The following DIAPH3 variants were observed in gnomAD, a reference collection of about 807,000 sequenced individuals.
DIAPH3 encodes protein diaphanous homolog 3.
A neutral mutation model predicts 144.3 loss-of-function variants in DIAPH3; 117 were observed. The observed-to-expected ratio is 0.81, with a 90% CI of 0.70 to 0.95. DIAPH3 has a LOEUF of 0.95. DIAPH3 is among the 40% of genes least tolerant of loss of function. The pLI, the probability that DIAPH3 is intolerant of heterozygous loss-of-function variation, is 0.00. For missense variants in DIAPH3, 1,421 were observed against 1,412.7 expected (o/e 1.01, Z -0.09); for synonymous variants, 519 against 488.9 (o/e 1.06, Z -0.81).
At chr13:59,954,158 AGTC>A (rs2049252347) in intron 17 of DIAPH3, among the ~76,000 whole-genome samples, 1 of 152,210 alleles carries the variant, frequency 6.6e-6, no homozygotes, top group African/African-American at 2.4e-5. Context: ...AAAGTTATGA[AGTC>A]AAAAAGTAAA....
intron 27 of DIAPH3, among the ~76,000 whole-genome samples, chr13:59,672,297 T>G (rs1372114478): frequency 1.3e-5 from 2 of 152,122 alleles, no homozygotes; most frequent in Non-Finnish European, 2.9e-5. Flanking sequence ...TTCTTAGGAG[T>G]GCCAACTCTC....
chr13:59,741,389 T>C (rs1467988730), intron 27 of DIAPH3, among the ~76,000 whole-genome samples: 2 of 152,170 alleles, frequency 1.3e-5, no homozygotes, highest in East Asian at 1.9e-4. Flanking sequence ...TTCCACCTAA[T>C]GAAAGTATTA....
chr13:59,801,842 T>A (rs976372777), intron 25 of DIAPH3, among the ~76,000 whole-genome samples: 2 of 152,250 alleles, frequency 1.3e-5, no homozygotes, highest in African/African-American at 4.8e-5. Flanking sequence ...TAAACACTAA[T>A]GCCTATTTAT....
At chr13:59,983,109 T>C (rs1308088512) in intron 13 of DIAPH3, among the ~76,000 whole-genome samples, 1 of 134,476 alleles carries the variant, frequency 7.4e-6, no homozygotes, top group Non-Finnish European at 1.6e-5. Flanking sequence ...AACTCAAATG[T>C]TACAACACTA....
At chr13:59,915,978 T>A (rs1401403454) in intron 19 of DIAPH3, among the ~76,000 whole-genome samples, 177 bp downstream of exon 19, 3 of 152,178 alleles carry the variant, frequency 2.0e-5, no homozygotes, top group Admixed American at 6.5e-5. Context: ...CATGTGCAGT[T>A]AAGAGAAGAT....
At chr13:59,680,459 G>A (rs907537521) in intron 27 of DIAPH3, among the ~76,000 whole-genome samples, 5 of 152,094 alleles carry the variant, frequency 3.3e-5, no homozygotes, top group Non-Finnish European at 4.4e-5. Context: ...GTTCCTTGAG[G>A]TAGTTAGTAC....
intron 16 of DIAPH3, 30 bp from the exon 17 acceptor site, chr13:59,970,088 ATAGGTGAGTGTT>A (rs774964179): frequency 5.7e-5 from 77 of 1,347,704 alleles, no homozygotes; most frequent in Admixed American, 7.3e-5. Context: ...TGATTCATCA[ATAGGTGAGTGTT>A]TCACCTGTCC....
At chr13:59,902,192 C>T (rs1264310179) in intron 20 of DIAPH3, among the ~76,000 whole-genome samples, 1 of 152,146 alleles carries the variant, frequency 6.6e-6, no homozygotes, top group Non-Finnish European at 1.5e-5. Context: ...AATCTCAAGT[C>T]AAATTGCAAT....
intron 2 of DIAPH3, among the ~76,000 whole-genome samples, chr13:60,122,967 C>T (rs2138157510): frequency 6.6e-6 from 1 of 152,074 alleles, no homozygotes; most frequent in Admixed American, 6.5e-5. Flanking sequence ...TAAATTAGCC[C>T]TGTATATATT....
intron 17 of DIAPH3, among the ~76,000 whole-genome samples, chr13:59,943,861 C>T (rs1271024057): frequency 6.6e-6 from 1 of 152,070 alleles, no homozygotes; most frequent in Non-Finnish European, 1.5e-5. Flanking sequence ...TTTGAGGTCT[C>T]ACTAATACTT....
At chr13:59,889,119 C>T (rs1673911725) in intron 20 of DIAPH3, among the ~76,000 whole-genome samples, 1 of 151,956 alleles carries the variant, frequency 6.6e-6, no homozygotes, top group African/African-American at 2.4e-5. Flanking sequence ...TAGTTGGGAT[C>T]TGCTGAGCCT....
intron 11 of DIAPH3, 102 bp downstream of exon 11, chr13:59,991,966 A>G (rs935597978): frequency 1.4e-5 from 13 of 922,408 alleles, no homozygotes; most frequent in Non-Finnish European, 2.0e-5. Flanking sequence ...GTTTGATTTC[A>G]TGTTGTTTAT....
At chr13:60,078,324 A>T (rs2057443207) in intron 4 of DIAPH3, among the ~76,000 whole-genome samples, 1 of 152,142 alleles carries the variant, frequency 6.6e-6, no homozygotes, top group African/African-American at 2.4e-5. Flanking sequence ...GTTAAATGTG[A>T]CTAAAGAGAG....
intron 24 of DIAPH3, among the ~76,000 whole-genome samples, chr13:59,816,877 T>G (rs942929396): frequency 2.0e-5 from 3 of 151,938 alleles, no homozygotes; most frequent in African/African-American, 7.2e-5. Flanking sequence ...TAAGCACATA[T>G]GGTATAAATT....
At chr13:59,942,637 G>T (rs928376113) in intron 17 of DIAPH3, among the ~76,000 whole-genome samples, 4 of 152,124 alleles carry the variant, frequency 2.6e-5, no homozygotes, top group African/African-American at 7.2e-5. Flanking sequence ...TGAAATGATA[G>T]TTATTGTTAA....
At chr13:59,930,841 T>C (rs1360518724) in intron 17 of DIAPH3, among the ~76,000 whole-genome samples, 1 of 152,106 alleles carries the variant, frequency 6.6e-6, no homozygotes, top group Non-Finnish European at 1.5e-5. Context: ...CGAAAGTCAA[T>C]GGTACCTTCA....
intron 4 of DIAPH3, among the ~76,000 whole-genome samples, chr13:60,083,367 T>C (rs957790544): frequency 6.6e-6 from 1 of 152,006 alleles, no homozygotes; most frequent in African/African-American, 2.4e-5. Context: ...TTGAGAGATG[T>C]CTCTTTGTAA....
At chr13:60,071,419 C>T (rs2057202422) in intron 4 of DIAPH3, among the ~76,000 whole-genome samples, 1 of 152,168 alleles carries the variant, frequency 6.6e-6, no homozygotes, top group Non-Finnish European at 1.5e-5. Flanking sequence ...ATTTATCCTT[C>T]AGATATAGTG....
At chr13:59,909,455 G>T (rs2046890010) in intron 20 of DIAPH3, among the ~76,000 whole-genome samples, 2 of 150,944 alleles carry the variant, frequency 1.3e-5, no homozygotes, top group Non-Finnish European at 2.9e-5. Flanking sequence ...TGGAAATGGT[G>T]AAAAATAGAA....
Sources: allele counts gnomAD v4.1 joint callset (sites outside exome capture counted in the v4.1 genomes callset), GRCh38; gene constraint gnomAD v4.1.1; transcripts MANE v1.5; gene names NCBI Gene and HGNC (gene_info 2026-07-23, HGNC 2026-07-21).